MYO3B: variants seen among roughly 807,000 people sequenced by gnomAD.
MYO3B encodes the protein myosin IIIB.
Under a neutral mutation model 174.6 loss-of-function variants are expected in MYO3B, and 156 were observed. That is an observed-to-expected ratio of 0.89 (90% confidence interval 0.78 to 1.02). The LOEUF (loss-of-function observed/expected upper bound fraction) is 1.02. Ranked by LOEUF, MYO3B falls within the 50% of genes least tolerant of loss-of-function variation. MYO3B has a pLI of 0.00. For synonymous variants in MYO3B, 563 were observed against 569.1 expected, an observed-to-expected ratio of 0.99 and a Z score of 0.15; for missense variants, 1,632 against 1,639.4, an observed-to-expected ratio of 1.00 and a Z score of 0.08.
At chr2:170,334,390 T>C (rs987103177) in intron 7 of MYO3B, 2 of 152,202 alleles carry the variant, frequency 1.3e-5, no homozygotes, top group African/African-American at 4.8e-5. Flanking sequence ...CTGATGTATA[T>C]TTATTTCTGG....
chr2:170,614,968 CA>C (rs1695357151), intron 32 of MYO3B, among the ~76,000 whole-genome samples: 1 of 152,170 alleles, frequency 6.6e-6, no homozygotes, highest in South Asian at 2.1e-4. Context: ...GCCTCCAACA[CA>C]GTCTTGAAAC....
intron 7 of MYO3B, among the ~76,000 whole-genome samples, chr2:170,310,030 A>G (rs2093727059): frequency 6.6e-6 from 1 of 152,032 alleles, no homozygotes; most frequent in Non-Finnish European, 1.5e-5. Context: ...GGCCGTTTGT[A>G]TTTGGATTTT....
intron 25 of MYO3B, among the ~76,000 whole-genome samples, chr2:170,480,037 G>GTA (rs1685585948): frequency 8.5e-6 from 1 of 118,342 alleles, no homozygotes; most frequent in Non-Finnish European, 1.9e-5. Context: ...ATATGTGTGT[G>GTA]TGTGTATATA....
At chr2:170,266,884 C>T (rs990864530) in intron 7 of MYO3B, among the ~76,000 whole-genome samples, 6 of 152,064 alleles carry the variant, frequency 3.9e-5, no homozygotes, top group African/African-American at 1.4e-4. Context: ...TTGCAGTTTT[C>T]CAGAAGGGAA....
At chr2:170,393,615 A>C (rs1173378124) in intron 16 of MYO3B, among the ~76,000 whole-genome samples, 5 of 152,206 alleles carry the variant, frequency 3.3e-5, no homozygotes, top group Non-Finnish European at 5.9e-5. Context: ...TTAAGGGATT[A>C]GATTACAAGA....
At chr2:170,438,910 G>A (rs1394829644) in intron 22 of MYO3B, among the ~76,000 whole-genome samples, 4 of 151,950 alleles carry the variant, frequency 2.6e-5, no homozygotes, top group Non-Finnish European at 5.9e-5. Context: ...GGGATTACAG[G>A]TGTGAGCCAC....
chr2:170,636,028 T>A (rs1198312304), intron 32 of MYO3B, among the ~76,000 whole-genome samples: 1 of 152,248 alleles, frequency 6.6e-6, no homozygotes, highest in Non-Finnish European at 1.5e-5. Context: ...TCTGTTTTTT[T>A]CTTTTTAGTC....
intron 32 of MYO3B, among the ~76,000 whole-genome samples, chr2:170,546,882 C>T (rs115972572): frequency 6.6e-6 from 1 of 152,070 alleles, no homozygotes; most frequent in Non-Finnish European, 1.5e-5. Context: ...GGCCTAACTT[C>T]GTTATTCTAT....
At chr2:170,561,100 A>G (rs1231469174) in intron 32 of MYO3B, among the ~76,000 whole-genome samples, 1 of 152,066 alleles carries the variant, frequency 6.6e-6, no homozygotes, top group African/African-American at 2.4e-5. Context: ...TTTGCCCTAG[A>G]CCCACATTCT....
chr2:170,492,115 T>C (rs1686529187), intron 25 of MYO3B, among the ~76,000 whole-genome samples: 1 of 152,044 alleles, frequency 6.6e-6, no homozygotes, highest in Non-Finnish European at 1.5e-5. Flanking sequence ...TAATGACTAA[T>C]ATTTCCTCAC....
intron 22 of MYO3B, among the ~76,000 whole-genome samples, chr2:170,414,387 C>G (rs2094565141): frequency 2.0e-5 from 3 of 152,100 alleles, no homozygotes; most frequent in African/African-American, 7.2e-5. Context: ...TGGGATTTCA[C>G]TGTGTTGGCC....
chr2:170,487,520 A>C (rs757158763), intron 25 of MYO3B, among the ~76,000 whole-genome samples: 6 of 152,242 alleles, frequency 3.9e-5, no homozygotes, highest in Non-Finnish European at 8.8e-5. Flanking sequence ...AATGGTGACA[A>C]CATGGTTATA....
intron 30 of MYO3B, among the ~76,000 whole-genome samples, chr2:170,528,767 C>T (rs558489983): frequency 1.3e-5 from 2 of 152,270 alleles, no homozygotes; most frequent in African/African-American, 2.4e-5. Flanking sequence ...GCATGGGAAC[C>T]AATTTTCAGT....
At chr2:170,496,824 G>A (rs1193075967) in intron 25 of MYO3B, among the ~76,000 whole-genome samples, 1 of 151,732 alleles carries the variant, frequency 6.6e-6, no homozygotes, top group Non-Finnish European at 1.5e-5. Context: ...GACTGGATTT[G>A]GCCATGTTGT....
At chr2:170,356,934 CG>C (rs954153600) in intron 8 of MYO3B, among the ~76,000 whole-genome samples, 3 of 151,824 alleles carry the variant, frequency 2.0e-5, no homozygotes, top group East Asian at 1.9e-4. Context: ...TGCACCACCA[CG>C]GCCCCCTGAT....
intron 7 of MYO3B, among the ~76,000 whole-genome samples, chr2:170,298,439 G>A (rs1396816872): frequency 2.0e-5 from 3 of 152,128 alleles, no homozygotes; most frequent in Non-Finnish European, 4.4e-5. Flanking sequence ...CACTTTGGGA[G>A]GCCGAGGTGG....
chr2:170,405,809 C>T (rs2094505834), intron 21 of MYO3B, among the ~76,000 whole-genome samples, 176 bp downstream of exon 21: 1 of 152,150 alleles, frequency 6.6e-6, no homozygotes. Context: ...GAAAGTTGCC[C>T]CTGGCATAGA....
At chr2:170,319,352 C>T (rs902688510) in intron 7 of MYO3B, among the ~76,000 whole-genome samples, 1 of 152,020 alleles carries the variant, frequency 6.6e-6, no homozygotes, top group Non-Finnish European at 1.5e-5. Context: ...TCCATCCCAC[C>T]CCAATGATGG....
chr2:170,338,045 C>G (rs1452465387), intron 8 of MYO3B: 3 of 152,124 alleles, frequency 2.0e-5, no homozygotes, highest in Non-Finnish European at 4.4e-5. Flanking sequence ...TGCAGAAATT[C>G]CTCCCTAAGA....
Sources: allele counts gnomAD v4.1 joint callset (sites outside exome capture counted in the v4.1 genomes callset), GRCh38; gene constraint gnomAD v4.1.1; transcripts MANE v1.5; gene names NCBI Gene and HGNC (gene_info 2026-07-23, HGNC 2026-07-21).